IRF2: variants seen among roughly 807,000 people sequenced by gnomAD.
IRF2 encodes the protein interferon regulatory factor 2.
Under a neutral mutation model 40.6 loss-of-function variants are expected in IRF2, and 15 were observed. That is an observed-to-expected ratio of 0.37 (90% CI 0.25 to 0.57). The LOEUF (loss-of-function observed/expected upper bound fraction) is 0.57. Ranked by LOEUF, IRF2 falls within the 20% of genes least tolerant of loss-of-function variation. The pLI is 0.77. For missense variants in IRF2, 317 were observed against 455.7 expected (o/e 0.70, Z 2.77); for synonymous variants, 151 against 165.5 (o/e 0.91, Z 0.67).
intron 1 of IRF2, among the ~76,000 whole-genome samples, chr4:184,464,879 C>G (rs894499394): frequency 6.6e-6 from 1 of 151,590 alleles, no homozygotes; most frequent in African/African-American, 2.4e-5. Flanking sequence ...TTCTCTCTCT[C>G]TCCTTTTGGG....
At chr4:184,401,411 G>A (rs1736661831) in intron 6 of IRF2, among the ~76,000 whole-genome samples, 1 of 152,190 alleles carries the variant, frequency 6.6e-6, no homozygotes, top group African/African-American at 2.4e-5. Context: ...GAGTCCAAAA[G>A]CCACAGCATA....
intron 1 of IRF2, among the ~76,000 whole-genome samples, chr4:184,430,702 C>CT (rs761417772): frequency 1.1e-4 from 17 of 151,824 alleles, no homozygotes; most frequent in Non-Finnish European, 2.9e-5. Flanking sequence ...AGAGCATCAC[C>CT]TTTTTTTTCT....
At chr4:184,472,904 C>T (rs1739566042) in intron 1 of IRF2, among the ~76,000 whole-genome samples, 1 of 152,210 alleles carries the variant, frequency 6.6e-6, no homozygotes, top group African/African-American at 2.4e-5. Flanking sequence ...TCCCCCGCTT[C>T]TTAGGGAACA....
At chr4:184,468,452 C>A (rs916175976) in intron 1 of IRF2, among the ~76,000 whole-genome samples, 5 of 151,972 alleles carry the variant, frequency 3.3e-5, no homozygotes, top group African/African-American at 9.7e-5. Context: ...ACACCACTGC[C>A]CTCCAGCCCA....
chr4:184,397,651 G>A (rs1736516968), intron 7 of IRF2, among the ~76,000 whole-genome samples: 1 of 152,184 alleles, frequency 6.6e-6, no homozygotes, highest in South Asian at 2.1e-4. Flanking sequence ...CAGTGTTGGG[G>A]GTGGCACCTA....
At chr4:184,410,676 GC>G (rs3836655) in intron 5 of IRF2, among the ~76,000 whole-genome samples, 17,224 of 152,184 alleles carry the variant, frequency 0.11, 1,240 homozygotes, top group East Asian at 0.22. Context: ...GGCTTCCTTT[GC>G]TGTCTGACCT....
intron 6 of IRF2, among the ~76,000 whole-genome samples, chr4:184,406,503 C>T (rs1186892058): frequency 1.3e-5 from 2 of 152,196 alleles, no homozygotes; most frequent in Non-Finnish European, 2.9e-5. Context: ...GCTGGGATTA[C>T]AGGCATGAGC....
At chr4:184,454,007 G>A (rs983359605) in intron 1 of IRF2, among the ~76,000 whole-genome samples, 13 of 152,224 alleles carry the variant, frequency 8.5e-5, no homozygotes, top group African/African-American at 3.1e-4. Context: ...CAAAATTGCT[G>A]CTTTCTGACT....
At chr4:184,425,141 T>C (rs1737621928) in intron 2 of IRF2, among the ~76,000 whole-genome samples, 1 of 152,138 alleles carries the variant, frequency 6.6e-6, no homozygotes, top group Non-Finnish European at 1.5e-5. Flanking sequence ...CACAGCCCCA[T>C]GGACAGTGTA....
rs1362359745 is a variant in IRF2 at position 184,455,243 on chromosome 4, T to TCCCCTCCCCTC, written c.-7+19125_-7+19135dup. 1.7e-3 allele frequency among the ~76,000 whole-genome samples: 99 copies of TCCCCTCCCCTC among 56,760 alleles called. 1 individual carries two copies. The highest frequency in any genetic ancestry group is 2.6e-3 in the Non-Finnish European group (71 of 27,526). 37.2% of individuals were successfully genotyped at this position (56,760 alleles called of 152,430 possible). ...ATCCCACTGATTCCTTTCTTCTTCC[T>TCCCCTCCCCTC]CCCCTCCCCTCCCCCTTCCCTCCCT... On this transcript the variant is annotated intron_variant, in intron 1 of 8. Coordinates refer to ENST00000393593, the MANE Select transcript of IRF2 (RefSeq NM_002199.4).
rs554255644 is a variant in IRF2, at chr4:184,407,703, G to T, written c.529+455C>A. Among the ~76,000 whole-genome samples the T allele has an allele frequency of 1.0e-3, 158 of 152,312 alleles. No individual in the cohort carries two copies. In the Middle Eastern group the frequency reaches 0.014, roughly 13 times the overall value. ...CTAGTACTGAGTCTGATATACAGAA[G>T]GTGCTCAAAAATATCTGCTGAATCA... On this transcript the variant is annotated intron_variant, in intron 6 of 8. Transcript: ENST00000393593.
chr4:184,397,654 G>C (rs1395904049), intron 7 of IRF2, among the ~76,000 whole-genome samples: 2 of 152,170 alleles, frequency 1.3e-5, no homozygotes, highest in African/African-American at 4.8e-5. Flanking sequence ...TGTTGGGGGT[G>C]GCACCTACTG....
At chr4:184,445,710 T>C (rs1018005974) in intron 1 of IRF2, among the ~76,000 whole-genome samples, 2 of 151,532 alleles carry the variant, frequency 1.3e-5, no homozygotes, top group Non-Finnish European at 2.9e-5. Context: ...AACATTCTTC[T>C]CAAAACAACT....
chr4:184,425,049 T>C (rs10000856), intron 2 of IRF2, among the ~76,000 whole-genome samples: 103,010 of 152,104 alleles, frequency 0.68, 35,054 homozygotes, highest in South Asian at 0.73. Flanking sequence ...GCCAAGGCAC[T>C]GGTGCATGGG....
intron 1 of IRF2, among the ~76,000 whole-genome samples, chr4:184,458,393 C>T (rs1248754097): frequency 2.0e-5 from 3 of 152,204 alleles, no homozygotes; most frequent in Non-Finnish European, 2.9e-5. Context: ...TTCAACCTTA[C>T]ATCTTCGCAG....
chr4:184,397,009 C>A (rs377363418), intron 7 of IRF2, among the ~76,000 whole-genome samples: 12 of 152,276 alleles, frequency 7.9e-5, no homozygotes, highest in African/African-American at 2.9e-4. Flanking sequence ...TCCCAGGGCA[C>A]AATAAATTTG....
chr4:184,426,791 A>G (rs1737690314), intron 2 of IRF2, among the ~76,000 whole-genome samples: 2 of 152,258 alleles, frequency 1.3e-5, no homozygotes, highest in Non-Finnish European at 2.9e-5. Context: ...GAAAAGCAGA[A>G]GCAGACCACT....
chr4:184,445,049 G>A (rs544527550), intron 1 of IRF2, among the ~76,000 whole-genome samples: 4 of 152,278 alleles, frequency 2.6e-5, no homozygotes, highest in East Asian at 1.9e-4. Flanking sequence ...CTGAGTCCAC[G>A]TGCTGACACG....
At chr4:184,437,401 T>C (rs1231251450) in intron 1 of IRF2, among the ~76,000 whole-genome samples, 1 of 152,118 alleles carries the variant, frequency 6.6e-6, no homozygotes, top group Admixed American at 6.5e-5. Context: ...TCACTACCTA[T>C]GTTGCCCGGG....
Sources: gnomAD v4.1 joint callset for allele counts (sites outside exome capture counted in the v4.1 genomes callset) on GRCh38, gnomAD v4.1.1 for gene constraint, MANE v1.5 for transcripts, NCBI Gene and HGNC (gene_info 2026-07-23, HGNC 2026-07-21) for gene names.